USP8: variants seen among roughly 807,000 people sequenced by gnomAD.
USP8 encodes the protein ubiquitin carboxyl-terminal hydrolase 8.
A neutral mutation model predicts 130.0 loss-of-function variants in USP8; 27 were observed. The ratio of observed to expected loss-of-function variants is 0.21; its 90% CI spans 0.15 to 0.29. USP8 has a LOEUF of 0.29. USP8 is among the 10% of genes least tolerant of loss of function. The pLI is 1.00. For missense variants in USP8, 1,029 were observed against 1,312.2 expected, an observed-to-expected ratio of 0.78 and a Z score of 3.33; for synonymous variants, 392 against 444.1, an observed-to-expected ratio of 0.88 and a Z score of 1.48.
chr15:50,456,618 G>T (rs2141274943), intron 4 of USP8, among the ~76,000 whole-genome samples: 1 of 152,132 alleles, frequency 6.6e-6, no homozygotes, highest in East Asian at 1.9e-4. Flanking sequence ...GGGTGTGGTG[G>T]CTCGCCCCTG....
At chr15:50,478,097 G>T (rs559000175) in intron 10 of USP8, among the ~76,000 whole-genome samples, 1 of 152,228 alleles carries the variant, frequency 6.6e-6, no homozygotes, top group South Asian at 2.1e-4. Flanking sequence ...AATTAGAATA[G>T]CCCTTTTGGG....
At chr15:50,484,452 C>A in intron 12 of USP8, 91 bp downstream of exon 12, 2 of 1,045,490 alleles carry the variant, frequency 1.9e-6, no homozygotes, top group Non-Finnish European at 2.9e-6. Flanking sequence ...TATCTTTTAT[C>A]ATGAGATCTA....
rs1458152610 is a variant in USP8, at chr15:50,505,718, G to A, written c.*6630G>A. 2.6e-5 allele frequency: 4 copies of A among 152,350 alleles called. No individual in the cohort carries two copies. The highest frequency in any genetic ancestry group is 4.4e-5 in the Non-Finnish European group (3 of 68,178). 9.4% of individuals were successfully genotyped at this position (152,350 alleles called of 1,614,324 possible). On this transcript the variant is annotated 3_prime_UTR_variant, in exon 20 of 20. Transcript: ENST00000307179. ...TCACACCTGTAATCCCAGCACTTTG[G>A]AAGGCCAAGGCAGGAGGATCGTTTG... is the stretch of plus-strand genomic sequence containing the variant.
chr15:50,499,744 A>G lies in USP8; in HGVS notation c.*656A>G, dbSNP rs548514074. 5 of 152,322 alleles carry G rather than the reference A, an allele frequency of 3.3e-5. No homozygotes were observed. The South Asian group carries it at 6.2e-4, about 19-fold the overall frequency. The allele number at this position is 152,322 out of a possible 1,614,324, so 9.4% of individuals were successfully genotyped here. A position where few individuals can be genotyped will look rare whatever the true frequency, so the allele number is the denominator to read the frequency against. On this transcript the variant is annotated 3_prime_UTR_variant, in exon 20 of 20. Transcript: ENST00000307179. ...TTTTTTTAAAACGAGAATTTCATTTACAGCTACATTAAAATCTTAATGAGA... is the reference window on the plus strand; with the variant it reads ...TTTTTTTAAAACGAGAATTTCATTTGCAGCTACATTAAAATCTTAATGAGA...
At chr15:50,439,575 G>A (rs1328860275) in intron 2 of USP8, among the ~76,000 whole-genome samples, 1 of 151,996 alleles carries the variant, frequency 6.6e-6, no homozygotes, top group Non-Finnish European at 1.5e-5. Context: ...GATCACCTAA[G>A]GTCAGGAGTT....
At position 50,481,610 on chromosome 15, in the gene USP8, G is replaced by A. The variant is rs1314956032; in HGVS notation, c.1348G>A (p.Val450Ile). Residue 450 changes from valine to isoleucine, a missense_variant, in exon 11 of 20, where the codon GTT becomes ATT. Val to Ile is a conservative substitution (Grantham distance 29). This residue lies in a region of USP8 where 486 missense variants were observed against 522.0 expected (regional missense o/e 0.93). Coordinates refer to ENST00000307179, the MANE Select transcript of USP8 (RefSeq NM_005154.5). ...VIPDRSTKPVVFSPTLMLTDE... is the reference protein window; with the variant it reads ...VIPDRSTKPVIFSPTLMLTDE... ...TCCTGATCGTTCCACCAAGCCAGTAGTTTTTTCTCCAACTCTCATGTTAAC... is the reference window on the plus strand; with the variant it reads ...TCCTGATCGTTCCACCAAGCCAGTAATTTTTTCTCCAACTCTCATGTTAAC... 3 of 1,613,908 alleles carry A rather than the reference G, an allele frequency of 1.9e-6. No individual in the cohort carries two copies. Among genetic ancestry groups the A allele is most frequent in the Non-Finnish European group, 2.5e-6 (3 of 1,180,004 alleles).
At chr15:50,493,970 A>G in intron 15 of USP8, 100 bp from the exon 16 acceptor site, 2 of 1,295,134 alleles carry the variant, frequency 1.5e-6, no homozygotes, top group Non-Finnish European at 2.2e-6. Flanking sequence ...GTAGTGCTAC[A>G]GTATGTGAAT....
intron 3 of USP8, among the ~76,000 whole-genome samples, chr15:50,446,965 T>C (rs919968834): frequency 1.3e-5 from 2 of 152,216 alleles, no homozygotes; most frequent in African/African-American, 2.4e-5. Context: ...ATAAGTCTTA[T>C]GTTAACTGGG....
intron 16 of USP8, 84 bp from the exon 17 acceptor site, chr15:50,495,764 A>C: frequency 9.2e-7 from 1 of 1,092,110 alleles, no homozygotes; most frequent in South Asian, 1.6e-5. Flanking sequence ...TAAATCTGGC[A>C]AGTGTTTGTA....
intron 1 of USP8, among the ~76,000 whole-genome samples, chr15:50,436,544 G>T (rs1301636745): frequency 6.6e-6 from 1 of 152,118 alleles, no homozygotes. Flanking sequence ...TGTTGCCCAG[G>T]CTGGAGTGCA....
chr15:50,511,248 T>C lies in USP8; in HGVS notation c.*12160T>C, dbSNP rs1220485209. 2 of 152,126 alleles carry C rather than the reference T, an allele frequency of 1.3e-5. No individual in the cohort carries two copies. Among genetic ancestry groups the C allele is most frequent in the Non-Finnish European group, 2.9e-5 (2 of 68,026 alleles). The allele number at this position is 152,126 out of a possible 1,614,324, so 9.4% of individuals were successfully genotyped here. On this transcript the variant is annotated 3_prime_UTR_variant, in exon 20 of 20. Coordinates refer to ENST00000307179, the MANE Select transcript of USP8 (RefSeq NM_005154.5). ...CAGTTCATACCTACTTTGTATGGGA[T>C]AGAATAAAAAATGAGAGGCAGTAAC...
At chr15:50,461,456 CAAAAAAA>C (rs71124356) in intron 5 of USP8, among the ~76,000 whole-genome samples, 1 of 108,688 alleles carries the variant, frequency 9.2e-6, no homozygotes, top group African/African-American at 3.7e-5. Flanking sequence ...ACCCTATCTC[CAAAAAAA>C]AAAAAAAAAA....
rs1172076379 is a variant in USP8 at position 50,502,194 on chromosome 15, GC to G, written c.*3108del. 6.6e-6 allele frequency: 1 copy of G among 152,042 alleles called. No homozygotes were observed. The highest frequency in any genetic ancestry group is 1.5e-5 in the Non-Finnish European group (1 of 68,130). 9.4% of individuals were successfully genotyped at this position (152,042 alleles called of 1,614,324 possible). ...ACGATCTCGGCTCACTGCAACCTCC[GC>G]CTCCCAGGTTCAAGCAATTCTTCTG... is the stretch of plus-strand genomic sequence containing the variant. On this transcript the variant is annotated 3_prime_UTR_variant, in exon 20 of 20. Coordinates refer to ENST00000307179, the MANE Select transcript of USP8 (RefSeq NM_005154.5).
intron 1 of USP8, among the ~76,000 whole-genome samples, chr15:50,428,605 A>C (rs997611295): frequency 6.6e-6 from 1 of 152,218 alleles, no homozygotes; most frequent in African/African-American, 2.4e-5. Flanking sequence ...AACAATAACT[A>C]ATAATAAAAT....
chr15:50,426,549 C>G (rs937485435), intron 1 of USP8, among the ~76,000 whole-genome samples: 1 of 152,136 alleles, frequency 6.6e-6, no homozygotes, highest in Non-Finnish European at 1.5e-5. Context: ...CTCAGCTGGT[C>G]TGGACATCCA....
chr15:50,469,140 G>A (rs2051293827), intron 7 of USP8, among the ~76,000 whole-genome samples: 1 of 152,074 alleles, frequency 6.6e-6, no homozygotes, highest in Non-Finnish European at 1.5e-5. Flanking sequence ...ATTGCCATAT[G>A]ATGTTCTGTT....
chr15:50,493,379 A>G, intron 15 of USP8: 1 of 519,564 alleles, frequency 1.9e-6, no homozygotes, highest in Non-Finnish European at 3.8e-6. Context: ...TCAAGAACCC[A>G]TTTTACCTTT....
intron 11 of USP8, among the ~76,000 whole-genome samples, chr15:50,484,007 G>C (rs914708661): frequency 5.9e-5 from 9 of 151,676 alleles, no homozygotes; most frequent in African/African-American, 2.2e-4. Flanking sequence ...TTAATGATCA[G>C]CATTTTATAC....
chr15:50,450,462 C>CTTTTTTTTTTTTTTTTTTTTTTTTT (rs35800074), intron 4 of USP8, among the ~76,000 whole-genome samples: 1 of 80,442 alleles, frequency 1.2e-5, no homozygotes, highest in Non-Finnish European at 2.4e-5. Context: ...GTTAGTCATT[C>CTTTTTTTTTTTTTTTTTTTTTTTTT]TTTTTTTTTT....
Sources: gnomAD v4.1 joint callset for allele counts (sites outside exome capture counted in the v4.1 genomes callset) on GRCh38, gnomAD v4.1.1 for gene constraint, gnomAD v4.1.1 regional missense constraint, MANE v1.5 for transcripts, NCBI Gene and HGNC (gene_info 2026-07-23, HGNC 2026-07-21) for gene names.